PCDHA1: variants seen among roughly 807,000 people sequenced by gnomAD.
PCDHA1 encodes the protein protocadherin alpha 1.
A neutral mutation model predicts 61.3 loss-of-function variants in PCDHA1; 42 were observed. That is an observed-to-expected ratio of 0.69 (90% CI 0.54 to 0.89). The LOEUF (loss-of-function observed/expected upper bound fraction) is 0.89, where lower values mean the gene tolerates loss of function less well. PCDHA1 is among the 40% of genes least tolerant of loss of function. The pLI, the probability that PCDHA1 is intolerant of heterozygous loss-of-function variation, is 0.00. For missense variants in PCDHA1, 1,256 were observed against 1,235.3 expected (o/e 1.02, Z -0.25); for synonymous variants, 610 against 553.8 (o/e 1.10, Z -1.43).
chr5:140,796,305 C>A (rs1365670963), intron 1 of PCDHA1: 6 of 1,614,044 alleles, frequency 3.7e-6, no homozygotes, highest in Non-Finnish European at 4.2e-6. Context: ...AGGTGGCCGA[C>A]GTGAACGACA....
intron 1 of PCDHA1, among the ~76,000 whole-genome samples, chr5:140,909,844 C>T (rs572833280): frequency 7.9e-5 from 12 of 152,276 alleles, no homozygotes; most frequent in African/African-American, 2.4e-4. Context: ...ACCACCAGGA[C>T]GTTTTCGGTC....
intron 1 of PCDHA1, chr5:140,836,643 A>G: frequency 6.2e-7 from 1 of 1,613,476 alleles, no homozygotes; most frequent in Non-Finnish European, 8.5e-7. Flanking sequence ...CTCCCAGCAG[A>G]GGCGGCAGAG....
intron 1 of PCDHA1, among the ~76,000 whole-genome samples, chr5:140,892,799 G>A (rs1222453314): frequency 6.6e-6 from 1 of 152,108 alleles, no homozygotes; most frequent in African/African-American, 2.4e-5. Flanking sequence ...AGAAATTATA[G>A]TTAACCATAT....
At chr5:140,830,282 G>A (rs1554132701) in intron 1 of PCDHA1, 1 of 1,613,704 alleles carries the variant, frequency 6.2e-7, no homozygotes, top group African/African-American at 1.3e-5. Flanking sequence ...CACCGAGGGC[G>A]CGTGCACGGC....
chr5:140,925,427 G>A (rs1394500937), intron 1 of PCDHA1, among the ~76,000 whole-genome samples: 2 of 152,012 alleles, frequency 1.3e-5, no homozygotes, highest in Non-Finnish European at 2.9e-5. Context: ...CTGGTTGTAG[G>A]GTGTTAGGCA....
chr5:140,800,936 A>T, intron 1 of PCDHA1: 5 of 916,912 alleles, frequency 5.5e-6, no homozygotes, highest in Non-Finnish European at 7.2e-6. Flanking sequence ...AAATTTTGGG[A>T]AAGTTCAAAC....
chr5:141,003,343 GCT>G (rs1554259027), intron 3 of PCDHA1, among the ~76,000 whole-genome samples: 1 of 152,198 alleles, frequency 6.6e-6, no homozygotes, highest in Non-Finnish European at 1.5e-5. Context: ...TTGTTTGTTT[GCT>G]CTGTCACCCA....
At chr5:140,876,133 GAACT>G (rs782651538) in intron 1 of PCDHA1, 8 of 1,613,820 alleles carry the variant, frequency 5.0e-6, no homozygotes, top group East Asian at 2.2e-5. Flanking sequence ...CGGTAAACCA[GAACT>G]AACAGGGTCT....
At chr5:141,005,315 G>A (rs1554259986) in intron 3 of PCDHA1, among the ~76,000 whole-genome samples, 1 of 152,186 alleles carries the variant, frequency 6.6e-6, no homozygotes, top group Non-Finnish European at 1.5e-5. Flanking sequence ...TCTTACAGTG[G>A]TAGAGAATAA....
At chr5:140,878,562 T>C (rs2057643889) in intron 1 of PCDHA1, among the ~76,000 whole-genome samples, 1 of 152,210 alleles carries the variant, frequency 6.6e-6, no homozygotes, top group Non-Finnish European at 1.5e-5. Context: ...CCCAAACTTA[T>C]CATAGTATAC....
intron 1 of PCDHA1, among the ~76,000 whole-genome samples, chr5:140,799,958 T>C (rs1243437944): frequency 6.6e-6 from 1 of 152,120 alleles, no homozygotes; most frequent in Non-Finnish European, 1.5e-5. Context: ...GAATGTTTTA[T>C]TGCTTAGTGT....
At chr5:140,953,948 C>T (rs1012464637) in intron 1 of PCDHA1, among the ~76,000 whole-genome samples, 1 of 152,092 alleles carries the variant, frequency 6.6e-6, no homozygotes, top group Non-Finnish European at 1.5e-5. Flanking sequence ...CATTGCTCCC[C>T]CAACAGGCCC....
chr5:140,857,393 G>T, intron 1 of PCDHA1: 1 of 1,598,492 alleles, frequency 6.3e-7, no homozygotes, highest in South Asian at 1.1e-5. Context: ...CGACGTGAAC[G>T]ACAACGCGCC....
At chr5:140,903,845 C>T (rs2070659171) in intron 1 of PCDHA1, among the ~76,000 whole-genome samples, 1 of 152,006 alleles carries the variant, frequency 6.6e-6, no homozygotes, top group Admixed American at 6.6e-5. Context: ...TTTCATTTAT[C>T]TTAACAAATA....
intron 1 of PCDHA1, among the ~76,000 whole-genome samples, chr5:140,855,664 C>G (rs2043557127): frequency 6.7e-6 from 1 of 149,694 alleles, no homozygotes. Flanking sequence ...GAAGAAATCA[C>G]TACTCTGAGA....
Position 140,809,588 on chromosome 5 carries a change from C to A in PCDHA1, c.2394+20904C>A, listed in dbSNP as rs531817077. 24 of 1,541,290 alleles carry A rather than the reference C, an allele frequency of 1.6e-5. No individual in the cohort carries two copies. In the South Asian group the frequency reaches 2.3e-4, roughly 15 times the overall value. On this transcript the variant is annotated intron_variant, in intron 1 of 3. Transcript: ENST00000504120. ...CTTTGCAAAGGTTAGTGTATAACAT[C>A]CTTTTGTTTAATTTTCGTATTGTTT...
chr5:140,857,341 G>T (rs782659858), intron 1 of PCDHA1: 1 of 1,598,438 alleles, frequency 6.3e-7, no homozygotes, highest in South Asian at 1.1e-5. Flanking sequence ...ACGGGGGCTC[G>T]CCTCCGCTGT....
intron 1 of PCDHA1, chr5:140,796,054 TC>T: frequency 6.2e-7 from 1 of 1,614,180 alleles, no homozygotes; most frequent in South Asian, 1.1e-5. Flanking sequence ...AGAGAACGCT[TC>T]CCTGGGCACT....
At chr5:140,843,231 T>C in intron 1 of PCDHA1, 3 of 1,596,108 alleles carry the variant, frequency 1.9e-6, no homozygotes, top group South Asian at 1.1e-5. Flanking sequence ...ACTCGTGTCC[T>C]GGACGAAGCG....
Sources: gnomAD v4.1 joint callset for allele counts (sites outside exome capture counted in the v4.1 genomes callset) on GRCh38, gnomAD v4.1.1 for gene constraint, MANE v1.5 for transcripts, NCBI Gene and HGNC (gene_info 2026-07-23, HGNC 2026-07-21) for gene names.